RIMBP2: variants seen among roughly 807,000 people sequenced by gnomAD.
RIMBP2 encodes RIMS-binding protein 2.
In RIMBP2, 48 loss-of-function variants were observed where a neutral mutation model predicts 118.6. The observed-to-expected ratio is 0.40, with a 90% confidence interval of 0.32 to 0.51. The LOEUF (loss-of-function observed/expected upper bound fraction) is 0.51. Ranked by LOEUF, RIMBP2 falls within the 20% of genes least tolerant of loss-of-function variation. The pLI is 0.41. For synonymous variants in RIMBP2, 762 were observed against 742.9 expected, an observed-to-expected ratio of 1.03 and a Z score of -0.42; for missense variants, 1,551 against 1,768.3, an observed-to-expected ratio of 0.88 and a Z score of 2.20.
chr12:130,638,732 C>T (rs73448926), intron 1 of RIMBP2, among the ~76,000 whole-genome samples: 6,270 of 151,466 alleles, frequency 0.041, 232 homozygotes, highest in African/African-American at 0.096. Context: ...AACTATAGTA[C>T]ATTGCGGAAA....
chr12:130,455,362 C>T (rs952546571), intron 7 of RIMBP2, among the ~76,000 whole-genome samples: 5 of 152,148 alleles, frequency 3.3e-5, no homozygotes, highest in South Asian at 2.1e-4. Flanking sequence ...AGGCTCCCCA[C>T]GTATCGTCTG....
chr12:130,619,035 A>C (rs539716819), intron 2 of RIMBP2, among the ~76,000 whole-genome samples: 15 of 152,138 alleles, frequency 9.9e-5, no homozygotes, highest in African/African-American at 1.4e-4. Flanking sequence ...ACACACACAC[A>C]CCCCTTACTT....
chr12:130,507,577 A>G (rs963201907), intron 3 of RIMBP2, among the ~76,000 whole-genome samples: 4 of 152,224 alleles, frequency 2.6e-5, no homozygotes, highest in Admixed American at 2.0e-4. Context: ...CAAAAACCAC[A>G]TAAATTCCAT....
chr12:130,500,746 T>C (rs763593463), intron 4 of RIMBP2, among the ~76,000 whole-genome samples: 1 of 151,904 alleles, frequency 6.6e-6, no homozygotes, highest in Non-Finnish European at 1.5e-5. Flanking sequence ...AGGCCGCATG[T>C]CCCCTCTTAC....
chr12:130,509,288 G>A (rs1313225995), intron 3 of RIMBP2, among the ~76,000 whole-genome samples: 5 of 152,192 alleles, frequency 3.3e-5, no homozygotes, highest in Non-Finnish European at 7.3e-5. Flanking sequence ...GAGTGCCCAT[G>A]CCACCAGGTC....
At chr12:130,565,569 C>T (rs2057156704) in intron 2 of RIMBP2, among the ~76,000 whole-genome samples, 1 of 152,194 alleles carries the variant, frequency 6.6e-6, no homozygotes, top group Non-Finnish European at 1.5e-5. Context: ...CAGAAAAGAA[C>T]TAAGCCATTC....
At chr12:130,456,851 G>A in intron 6 of RIMBP2, 151 bp from the exon 7 acceptor site, 1 of 624,122 alleles carries the variant, frequency 1.6e-6, no homozygotes, top group Non-Finnish European at 2.8e-6. Flanking sequence ...ATGTGTGGTT[G>A]AGTGTGTGCA....
At chr12:130,697,572 A>G (rs1393999887) in intron 1 of RIMBP2, among the ~76,000 whole-genome samples, 1 of 152,202 alleles carries the variant, frequency 6.6e-6, no homozygotes, top group Non-Finnish European at 1.5e-5. Context: ...TTGGCAACTG[A>G]TTGGAGATAG....
At chr12:130,410,397 CT>C (rs769409935) in intron 19 of RIMBP2, among the ~76,000 whole-genome samples, 1 of 152,112 alleles carries the variant, frequency 6.6e-6, no homozygotes, top group Non-Finnish European at 1.5e-5. Context: ...TGACTTTTTC[CT>C]TTTATGTATC....
chr12:130,618,165 G>GCC (rs1432994658), intron 2 of RIMBP2, among the ~76,000 whole-genome samples: 1 of 151,990 alleles, frequency 6.6e-6, no homozygotes, highest in East Asian at 1.9e-4. Context: ...CCGTAACTAT[G>GCC]CGTCAATGCC....
rs375305517 is a variant in RIMBP2 at position 130,450,339 on chromosome 12, G to A, written c.505-63C>T. 23 of 1,285,640 alleles carry A rather than the reference G, an allele frequency of 1.8e-5. No homozygotes were observed. Among genetic ancestry groups the A allele is most frequent in the African/African-American group, 4.4e-5 (3 of 67,830 alleles). 79.6% of individuals were successfully genotyped at this position (1,285,640 alleles called of 1,614,324 possible). ...TGGAGGTGTCCCACCCCATTCCCGCGGCACACGGGAAAGCCCCTCGCAGCT... is the reference window on the plus strand; with the variant it reads ...TGGAGGTGTCCCACCCCATTCCCGCAGCACACGGGAAAGCCCCTCGCAGCT... On this transcript the variant is annotated intron_variant, in intron 8 of 22. Transcript: ENST00000690449. The surrounding 1 kb of genome is among the most constrained non-coding windows in gnomAD (Gnocchi z 4.8).
chr12:130,438,805 C>T (rs1473984171), intron 11 of RIMBP2, among the ~76,000 whole-genome samples: 1 of 152,286 alleles, frequency 6.6e-6, no homozygotes, highest in Non-Finnish European at 1.5e-5. Context: ...CACCTCCTTA[C>T]CTGTCCTCAG....
chr12:130,674,336 C>T (rs866153225), intron 1 of RIMBP2, among the ~76,000 whole-genome samples: 5 of 152,308 alleles, frequency 3.3e-5, no homozygotes, highest in African/African-American at 1.2e-4. Flanking sequence ...CCAATTACGC[C>T]TCTTTTCTTT....
rs1344175322 is a variant in RIMBP2 at position 130,703,487 on chromosome 12, C to T, written c.-352+12735G>A. On this transcript the variant is annotated intron_variant, in intron 1 of 22. Coordinates refer to ENST00000690449, the MANE Select transcript of RIMBP2 (RefSeq NM_001393629.1). This position sits in a 1 kb window ranked among gnomAD's most constrained non-coding sequence, Gnocchi z 5.7. ...GGCACTCCCTCGGCCACCCGCCTGC[C>T]CTCCCCAATCCCTCACCCACTGCTG... Among the ~76,000 whole-genome samples the T allele has an allele frequency of 6.6e-6, 1 of 152,222 alleles. No homozygotes were observed. Among genetic ancestry groups the T allele is most frequent in the African/African-American group, 2.4e-5 (1 of 41,458 alleles).
chr12:130,606,788 G>A (rs2060216836), intron 2 of RIMBP2, among the ~76,000 whole-genome samples: 1 of 152,082 alleles, frequency 6.6e-6, no homozygotes, highest in Admixed American at 6.6e-5. Context: ...CAAAAATAAT[G>A]CAAAATGTCT....
At chr12:130,659,551 A>G (rs906472562) in intron 1 of RIMBP2, among the ~76,000 whole-genome samples, 1 of 149,814 alleles carries the variant, frequency 6.7e-6, no homozygotes, top group African/African-American at 2.5e-5. Context: ...CCTGAGCGAC[A>G]GAGCGAGACT....
At chr12:130,461,354 AG>A (rs1000625879) in intron 6 of RIMBP2, among the ~76,000 whole-genome samples, 6 of 152,134 alleles carry the variant, frequency 3.9e-5, no homozygotes, top group African/African-American at 1.4e-4. Context: ...GGGCAGGGGC[AG>A]GGTAGACCTG....
chr12:130,465,216 A>C (rs1048559467), intron 6 of RIMBP2: 1 of 152,206 alleles, frequency 6.6e-6, no homozygotes, highest in African/African-American at 2.4e-5. Flanking sequence ...CCAGGGAGGA[A>C]GGGGGGCTGT....
rs570063262 is a variant in RIMBP2, at chr12:130,620,148, T to C, written c.-217+8174A>G. On this transcript the variant is annotated intron_variant, in intron 2 of 22. Transcript: ENST00000690449. This position sits in a 1 kb window ranked among gnomAD's most constrained non-coding sequence, Gnocchi z 5.3. ...AGACTCTGCTTTGGAAGTGGTCTGC[T>C]GAGGGCAGTCATGGTGCCTCACCCT... is the stretch of plus-strand genomic sequence containing the variant. Among the ~76,000 whole-genome samples, 4 of 152,314 alleles carry C rather than the reference T, an allele frequency of 2.6e-5. No individual in the cohort carries two copies. Among genetic ancestry groups the C allele is most frequent in the African/African-American group, 9.6e-5 (4 of 41,572 alleles).
Sources: allele counts gnomAD v4.1 joint callset (sites outside exome capture counted in the v4.1 genomes callset), GRCh38; gene constraint gnomAD v4.1.1; non-coding constraint Gnocchi (gnomAD v3.1); transcripts MANE v1.5; gene names NCBI Gene and HGNC (gene_info 2026-07-23, HGNC 2026-07-21).